Variants in UHRF2 observed in about 807,000 individuals in gnomAD.
UHRF2 encodes the protein ubiquitin like with PHD and ring finger domains 2, also known as E3 ubiquitin-protein ligase UHRF2.
UHRF2 carries 23 observed loss-of-function variants against 96.8 expected under a neutral mutation model. The observed-to-expected ratio is 0.24, with a 90% CI of 0.17 to 0.34. The LOEUF is 0.34. UHRF2 is among the 10% of genes least tolerant of loss of function. UHRF2 has a pLI of 1.00. For missense variants in UHRF2, 685 were observed against 981.5 expected (o/e 0.70, Z 4.04); for synonymous variants, 385 against 332.6 (o/e 1.16, Z -1.72).
chr9:6,483,163 A>G (rs1359138181), intron 8 of UHRF2, among the ~76,000 whole-genome samples: 1 of 151,824 alleles, frequency 6.6e-6, no homozygotes, highest in Non-Finnish European at 1.5e-5. Context: ...CATCTCTACT[A>G]AAAATACAAA....
chr9:6,468,835 A>G (rs954698627), intron 4 of UHRF2: 1 of 373,186 alleles, frequency 2.7e-6, no homozygotes, highest in African/African-American at 2.1e-5. Flanking sequence ...CAGGTAGACT[A>G]AATCTTACTT....
intron 1 of UHRF2, chr9:6,413,921 C>T (rs1819437004): frequency 3.6e-6 from 1 of 280,992 alleles, no homozygotes; most frequent in Non-Finnish European, 6.6e-6. Flanking sequence ...GGTAGGACAG[C>T]GGCCGTAGGC....
At chr9:6,484,480 A>T (rs1228806789) in intron 8 of UHRF2, 1 of 144,692 alleles carries the variant, frequency 6.9e-6, no homozygotes, top group Non-Finnish European at 1.5e-5. Context: ...CAGTGCCATA[A>T]TCACAGTCCC....
At chr9:6,463,584 C>T (rs539057041) in intron 4 of UHRF2, among the ~76,000 whole-genome samples, 2 of 151,978 alleles carry the variant, frequency 1.3e-5, no homozygotes, top group Non-Finnish European at 1.5e-5. Context: ...AGTTCTCCTG[C>T]CGCAGCCACC....
chr9:6,426,964 G>C (rs1360528459), intron 2 of UHRF2, among the ~76,000 whole-genome samples: 1 of 152,106 alleles, frequency 6.6e-6, no homozygotes, highest in African/African-American at 2.4e-5. Flanking sequence ...GGCTAGGCTG[G>C]TCTTGAACTC....
chr9:6,413,773 C>A, intron 1 of UHRF2, 130 bp downstream of exon 1: 1 of 1,194,826 alleles, frequency 8.4e-7, no homozygotes, highest in South Asian at 2.3e-5. Context: ...GGGTGGGCAG[C>A]CCCCGCGAGG....
intron 4 of UHRF2, among the ~76,000 whole-genome samples, chr9:6,467,080 G>A (rs1223287472): frequency 6.6e-6 from 1 of 152,218 alleles, no homozygotes; most frequent in African/African-American, 2.4e-5. Context: ...GCATAGTACA[G>A]TTTGGAGGTT....
chr9:6,470,300 G>C (rs1823166507), intron 4 of UHRF2, among the ~76,000 whole-genome samples: 1 of 151,508 alleles, frequency 6.6e-6, no homozygotes, highest in Admixed American at 6.6e-5. Flanking sequence ...TTGATCCTGG[G>C]AGGTGGAGGT....
intron 9 of UHRF2, chr9:6,492,736 T>G (rs1824733853): frequency 6.6e-6 from 1 of 152,112 alleles, no homozygotes; most frequent in African/African-American, 2.4e-5. Flanking sequence ...CACTGATAGT[T>G]ACTTTTCTTA....
chr9:6,463,368 C>A (rs1251037343), intron 4 of UHRF2, among the ~76,000 whole-genome samples: 1 of 151,770 alleles, frequency 6.6e-6, no homozygotes, highest in Non-Finnish European at 1.5e-5. Flanking sequence ...GCTATCCCAA[C>A]AGTACAATAA....
At position 6,498,146 on chromosome 9, in the gene UHRF2, T is replaced by C; in HGVS notation, c.1896T>C (p.Cys632=). ...GAATAGAACGGTCAAGGAGATTATG[T>C]CTACGTTTACAGGTTAGATTACATT... is the stretch of plus-strand genomic sequence containing the variant. ...SEGIERSRRL[C]LRLQYPAGYP... Residue 632 remains cysteine, a synonymous_variant, in exon 12 of 16, where the codon TGT becomes TGC. Coordinates refer to ENST00000276893, the MANE Select transcript of UHRF2 (RefSeq NM_152896.3). 1 of 1,613,622 alleles carries C rather than the reference T, an allele frequency of 6.2e-7. No homozygotes were observed. Among genetic ancestry groups the C allele is most frequent in the South Asian group, 1.1e-5 (1 of 90,972 alleles).
intron 1 of UHRF2, among the ~76,000 whole-genome samples, chr9:6,418,130 G>A (rs946822274): frequency 6.6e-6 from 1 of 151,978 alleles, no homozygotes; most frequent in African/African-American, 2.4e-5. Context: ...AATTAGTAAG[G>A]TATTTTGTTT....
chr9:6,504,664 A>G lies in UHRF2; in HGVS notation c.2235A>G (p.Thr745=). Reference sequence around the variant, plus strand: ...AGGAGCTAGTTTACCAGCCTGTGACAACTGAGTGCTTCCACAATGTCTGTA... The same window carrying G: ...AGGAGCTAGTTTACCAGCCTGTGACGACTGAGTGCTTCCACAATGTCTGTA... The part of the protein sequence containing the change: ...CCQELVYQPV[T]TECFHNVCKD... Residue 745 remains threonine (T), a synonymous_variant, in exon 15 of 16, where the codon ACA becomes ACG. Transcript: ENST00000276893. 6.2e-7 allele frequency: 1 copy of G among 1,613,854 alleles called. No homozygotes were observed. Among genetic ancestry groups the G allele is most frequent in the Non-Finnish European group, 8.5e-7 (1 of 1,179,812 alleles).
At chr9:6,443,067 C>T (rs748685619) in intron 3 of UHRF2, among the ~76,000 whole-genome samples, 2 of 152,026 alleles carry the variant, frequency 1.3e-5, no homozygotes, top group Non-Finnish European at 2.9e-5. Flanking sequence ...TAGAAAACAC[C>T]TAGTAGTTTG....
At position 6,506,360 on chromosome 9, in the gene UHRF2, T is replaced by A. The variant is rs1242950921; in HGVS notation, c.*181T>A. The A allele has an allele frequency of 8.5e-6, 6 of 703,114 alleles. No individual in the cohort carries two copies. In the East Asian group the frequency reaches 1.5e-4, roughly 17 times the overall value. 43.6% of individuals were successfully genotyped at this position (703,114 alleles called of 1,614,324 possible). ...AGAGGCCCATTTCTCAACTGTCTTT[T>A]AAATATCTAAAGGTAGTTCCTGTAA... On this transcript the variant is annotated 3_prime_UTR_variant, in exon 16 of 16. Coordinates refer to ENST00000276893, the MANE Select transcript of UHRF2 (RefSeq NM_152896.3).
At chr9:6,487,826 CTTCT>C (rs1333428282) in intron 9 of UHRF2, among the ~76,000 whole-genome samples, 3 of 152,144 alleles carry the variant, frequency 2.0e-5, no homozygotes, top group Non-Finnish European at 4.4e-5. Flanking sequence ...TTTGGTCATT[CTTCT>C]TTAAGTTTTC....
At chr9:6,420,812 G>T (rs934067862) in intron 1 of UHRF2, 100 bp from the exon 2 acceptor site, 2 of 890,786 alleles carry the variant, frequency 2.2e-6, no homozygotes, top group African/African-American at 1.7e-5. Context: ...CTAAACTGTA[G>T]TGCTATGGAT....
At chr9:6,470,184 C>G (rs1310990022) in intron 4 of UHRF2, among the ~76,000 whole-genome samples, 1 of 152,114 alleles carries the variant, frequency 6.6e-6, no homozygotes, top group Non-Finnish European at 1.5e-5. Flanking sequence ...ACCAGCCTGG[C>G]CAACATGGCA....
At chr9:6,497,514 C>G (rs1329373706) in intron 11 of UHRF2, among the ~76,000 whole-genome samples, 154 bp downstream of exon 11, 1 of 151,664 alleles carries the variant, frequency 6.6e-6, no homozygotes, top group Non-Finnish European at 1.5e-5. Flanking sequence ...AAAGCAAACT[C>G]TTAACTTCAG....
Sources: gnomAD v4.1 joint callset for allele counts (sites outside exome capture counted in the v4.1 genomes callset) on GRCh38, gnomAD v4.1.1 for gene constraint, MANE v1.5 for transcripts, NCBI Gene and HGNC (gene_info 2026-07-23, HGNC 2026-07-21) for gene names.